The following ZNF664 variants were observed in gnomAD, a reference collection of about 807,000 sequenced individuals.
ZNF664 encodes the protein zinc finger protein 664.
ZNF664 carries 10 observed loss-of-function variants against 18.2 expected under a neutral mutation model. The ratio of observed to expected loss-of-function variants is 0.55; its 90% CI spans 0.34 to 0.93. The LOEUF is 0.93. ZNF664 is among the 40% of genes least tolerant of loss of function. The pLI, the probability that ZNF664 is intolerant of heterozygous loss-of-function variation, is 0.02. For missense variants in ZNF664, 193 were observed against 319.0 expected (o/e 0.61, Z 3.01); for synonymous variants, 119 against 104.2 (o/e 1.14, Z -0.86).
chr12:123,996,798 C>T (rs1241509155), intron 3 of ZNF664, among the ~76,000 whole-genome samples: 5 of 152,252 alleles, frequency 3.3e-5, no homozygotes, highest in Non-Finnish European at 7.4e-5. Flanking sequence ...CCTGCATTAC[C>T]AGGACAAAGC....
intron 3 of ZNF664, among the ~76,000 whole-genome samples, chr12:123,999,978 A>G (rs1367584828): frequency 6.6e-6 from 1 of 152,106 alleles, no homozygotes; most frequent in Non-Finnish European, 1.5e-5. Flanking sequence ...GTGGTCTATG[A>G]TTCTGTTAGC....
chr12:123,982,353 G>A (rs1267025858), intron 2 of ZNF664, among the ~76,000 whole-genome samples: 1 of 152,180 alleles, frequency 6.6e-6, no homozygotes, highest in African/African-American at 2.4e-5. Context: ...TGGGAAGTTG[G>A]TGGCAGTCAG....
chr12:123,973,503 G>T, intron 1 of ZNF664, 151 bp downstream of exon 1: 1 of 453,158 alleles, frequency 2.2e-6, no homozygotes, highest in Non-Finnish European at 2.9e-6. Flanking sequence ...CCTCGGGATG[G>T]CGGGGAAGGT....
At chr12:124,010,319 T>A (rs911829802) in intron 3 of ZNF664, among the ~76,000 whole-genome samples, 9 of 152,240 alleles carry the variant, frequency 5.9e-5, no homozygotes, top group African/African-American at 1.2e-4. Flanking sequence ...TTAAAAGTGT[T>A]ACTTTAAGAA....
intron 3 of ZNF664, among the ~76,000 whole-genome samples, chr12:123,993,930 G>A (rs1223714598): frequency 6.6e-6 from 1 of 152,226 alleles, no homozygotes; most frequent in Non-Finnish European, 1.5e-5. Context: ...GACAGTGTCA[G>A]ATAGATGCAC....
At chr12:124,004,599 G>A (rs921752282) in intron 3 of ZNF664, among the ~76,000 whole-genome samples, 3 of 152,162 alleles carry the variant, frequency 2.0e-5, no homozygotes, top group Admixed American at 1.3e-4. Context: ...CAACCTGTGG[G>A]CCACAGATGG....
intron 1 of ZNF664, 107 bp from the exon 2 acceptor site, chr12:123,973,779 G>C: frequency 8.2e-7 from 1 of 1,218,708 alleles, no homozygotes. Flanking sequence ...GCGTCTTGGA[G>C]CCCTTCCAGG....
intron 2 of ZNF664, among the ~76,000 whole-genome samples, chr12:123,976,591 A>C (rs543224971): frequency 2.2e-4 from 33 of 152,062 alleles, no homozygotes; most frequent in Non-Finnish European, 4.7e-4. Flanking sequence ...GGAGTGACAT[A>C]ATCAGATTTG....
At chr12:124,004,616 G>T (rs1201590641) in intron 3 of ZNF664, among the ~76,000 whole-genome samples, 2 of 152,186 alleles carry the variant, frequency 1.3e-5, no homozygotes, top group Non-Finnish European at 2.9e-5. Context: ...ATGGGTACCA[G>T]TCCATGGCCT....
rs781393347 is a variant in ZNF664 at position 124,012,916 on chromosome 12, A to G, written c.772A>G (p.Ile258Val). 14 of 1,613,048 alleles carry G rather than the reference A, an allele frequency of 8.7e-6. No individual in the cohort carries two copies. Among genetic ancestry groups the G allele is most frequent in the Non-Finnish European group, 1.2e-5 (14 of 1,179,790 alleles). Residue 258 changes from isoleucine (I) to valine (V), a missense_variant, in exon 5 of 5, where the codon ATA becomes GTA. Coordinates refer to ENST00000337815, the MANE Select transcript of ZNF664 (RefSeq NM_152437.3). ...CACAAAGGAGAGAAACCATCTCAAA[A>G]TATCAGTTATATAAAACGTTTTGCT... ...VHTKERNHLK[I>V]SVI
chr12:123,977,272 C>T (rs954411224), intron 2 of ZNF664, among the ~76,000 whole-genome samples: 3 of 151,622 alleles, frequency 2.0e-5, no homozygotes, highest in Non-Finnish European at 2.9e-5. Context: ...TTTGACAAAG[C>T]GGTAATATGT....
At chr12:124,003,198 G>C (rs1032202617) in intron 3 of ZNF664, among the ~76,000 whole-genome samples, 1 of 152,180 alleles carries the variant, frequency 6.6e-6, no homozygotes, top group Admixed American at 6.5e-5. Context: ...CTATAGCTAG[G>C]ATGGAATTGA....
chr12:123,977,395 A>G (rs991766338), intron 2 of ZNF664, among the ~76,000 whole-genome samples: 1 of 148,114 alleles, frequency 6.8e-6, no homozygotes, highest in Admixed American at 6.8e-5. Flanking sequence ...GTGACCATGT[A>G]TTAGTATATG....
Position 123,988,077 on chromosome 12 carries a change from T to A in ZNF664, c.-722T>A, listed in dbSNP as rs901350517. 1.6e-6 allele frequency: 2 copies of A among 1,231,500 alleles called. No homozygotes were observed. Among genetic ancestry groups the A allele is most frequent in the African/African-American group, 1.6e-5 (1 of 64,408 alleles). The allele number at this position is 1,231,500 out of a possible 1,614,324, so 76.3% of individuals were successfully genotyped here. On this transcript the variant is annotated 5_prime_UTR_variant, in exon 3 of 5. Transcript: ENST00000337815. ...AAGGCCTTTGTAGTCCTTCAGCCAC[T>A]GTGGGCCCTGCCTCTGCCTGTTCTT...
In ZNF664 at chr12:124,013,169, C is replaced by T. The variant is rs889288507; in HGVS notation, c.*239C>T. Reference sequence around the variant, plus strand: ...GCTCTCAGGTCCCAGTCACAGACGTCGCTTCCTGGGATTCCAGCACGATGC... The same window carrying T: ...GCTCTCAGGTCCCAGTCACAGACGTTGCTTCCTGGGATTCCAGCACGATGC... On this transcript the variant is annotated 3_prime_UTR_variant, in exon 5 of 5. Transcript: ENST00000337815. 4.0e-5 allele frequency: 23 copies of T among 572,992 alleles called. No homozygotes were observed. Among genetic ancestry groups the T allele is most frequent in the East Asian group, 1.0e-4 (3 of 29,954 alleles). The allele number at this position is 572,992 out of a possible 1,614,324, so 35.5% of individuals were successfully genotyped here. A position where few individuals can be genotyped will look rare whatever the true frequency, so the allele number is the denominator to read the frequency against.
intron 2 of ZNF664, among the ~76,000 whole-genome samples, chr12:123,975,154 G>GC (rs1259640594): frequency 6.6e-6 from 1 of 152,106 alleles, no homozygotes; most frequent in Admixed American, 6.5e-5. Flanking sequence ...GTGATACAGT[G>GC]CGTATGTGTT....
intron 3 of ZNF664, among the ~76,000 whole-genome samples, chr12:124,004,229 G>T (rs1957045149): frequency 6.6e-6 from 1 of 152,196 alleles, no homozygotes; most frequent in African/African-American, 2.4e-5. Flanking sequence ...ACAGAAGAGA[G>T]AGGTGAACCT....
intron 3 of ZNF664, among the ~76,000 whole-genome samples, chr12:123,994,126 A>C (rs765610124): frequency 6.6e-6 from 1 of 152,160 alleles, no homozygotes; most frequent in Non-Finnish European, 1.5e-5. Flanking sequence ...CGTTTTTCTT[A>C]TATCTAGAAG....
intron 2 of ZNF664, among the ~76,000 whole-genome samples, chr12:123,984,068 A>G (rs1368817504): frequency 6.6e-6 from 1 of 152,210 alleles, no homozygotes; most frequent in Non-Finnish European, 1.5e-5. Context: ...AACAGTTGAA[A>G]TGTGGACTCC....
Sources: gnomAD v4.1 joint callset for allele counts (sites outside exome capture counted in the v4.1 genomes callset) on GRCh38, gnomAD v4.1.1 for gene constraint, MANE v1.5 for transcripts, NCBI Gene and HGNC (gene_info 2026-07-23, HGNC 2026-07-21) for gene names.